Variants in TMEM178B observed in about 807,000 individuals in gnomAD.
TMEM178B encodes transmembrane protein 178B.
A neutral mutation model predicts 31.0 loss-of-function variants in TMEM178B; 5 were observed. The ratio of observed to expected loss-of-function variants is 0.16; its 90% CI spans 0.08 to 0.34. The LOEUF (loss-of-function observed/expected upper bound fraction) is 0.34. Ranked by LOEUF, TMEM178B falls within the 10% of genes least tolerant of loss-of-function variation. TMEM178B has a pLI of 1.00. For synonymous variants in TMEM178B, 164 were observed against 164.0 expected (o/e 1.00, Z 0.00); for missense variants, 275 against 400.3 (o/e 0.69, Z 2.67).
downstream of TMEM178B, among the ~76,000 whole-genome samples, chr7:141,481,954 G>A (rs559097932): frequency 2.6e-5 from 4 of 152,256 alleles, no homozygotes; most frequent in African/African-American, 7.2e-5. Flanking sequence ...CTGCAGCATC[G>A]TGACCTGAGG....
chr7:141,328,280 G>A (rs189443568), intron 2 of TMEM178B, among the ~76,000 whole-genome samples: 3 of 152,310 alleles, frequency 2.0e-5, no homozygotes, highest in East Asian at 3.9e-4. Context: ...ACAGTGGTAT[G>A]TTCTATCCAA....
At chr7:141,507,660 C>A in the TMEM178B span, among the ~76,000 whole-genome samples, 1 of 152,262 alleles carries the variant, frequency 6.6e-6, no homozygotes, top group Non-Finnish European at 1.5e-5. Context: ...CATGCGCCAC[C>A]GCGCCTGGCC....
chr7:141,180,924 A>T (rs927111379), intron 1 of TMEM178B, among the ~76,000 whole-genome samples: 4 of 152,186 alleles, frequency 2.6e-5, no homozygotes, highest in Admixed American at 6.5e-5. Flanking sequence ...AATCCCATTT[A>T]AAAAAGGCTC....
chr7:141,249,526 ACAG>A (rs1797795777), intron 2 of TMEM178B, among the ~76,000 whole-genome samples: 1 of 152,230 alleles, frequency 6.6e-6, no homozygotes, highest in Non-Finnish European at 1.5e-5. Flanking sequence ...GAACTGGGTA[ACAG>A]GTGAAATGGC....
At chr7:141,322,145 A>G (rs187684566) in intron 2 of TMEM178B, among the ~76,000 whole-genome samples, 17 of 152,318 alleles carry the variant, frequency 1.1e-4, no homozygotes, top group African/African-American at 3.8e-4. Context: ...CAATAAATGT[A>G]GCCTTTTTTG....
intron 2 of TMEM178B, among the ~76,000 whole-genome samples, chr7:141,346,488 A>C (rs1799622427): frequency 6.6e-6 from 1 of 152,170 alleles, no homozygotes; most frequent in Admixed American, 6.5e-5. Flanking sequence ...GGCTTGACTT[A>C]TAGTCAGCTT....
intron 2 of TMEM178B, among the ~76,000 whole-genome samples, chr7:141,312,857 T>C (rs568984130): frequency 1.8e-4 from 27 of 152,324 alleles, no homozygotes; most frequent in African/African-American, 6.3e-4. Flanking sequence ...GGCTCTTTAT[T>C]GTATGTTTTT....
intron 2 of TMEM178B, among the ~76,000 whole-genome samples, chr7:141,223,253 A>G (rs116991991): frequency 0.016 from 2,481 of 152,258 alleles, 32 homozygotes; most frequent in Non-Finnish European, 0.024. Flanking sequence ...AGGGGAGGCC[A>G]TAGAGGTGAC....
intron 2 of TMEM178B, among the ~76,000 whole-genome samples, chr7:141,427,644 C>A (rs541786877): frequency 2.0e-5 from 3 of 152,088 alleles, no homozygotes; most frequent in African/African-American, 7.2e-5. Context: ...TTGGTCTGGG[C>A]AAGGATTTTT....
rs1344820256 is a variant in TMEM178B at position 141,414,245 on chromosome 7, C to T, written c.497-23363C>T. ...GACTACAGGCGCCCGCCACCGCGCC[C>T]GGCTAATTTTTTGTATTTTTAGTAG... On this transcript the variant is annotated intron_variant, in intron 2 of 3. Coordinates refer to ENST00000565468, the MANE Select transcript of TMEM178B (RefSeq NM_001195278.2). The T allele has an allele frequency of 3.5e-4, 24 of 68,728 alleles. 8 individuals are homozygous for T. The highest frequency in any genetic ancestry group is 2.0e-3 in the South Asian group (4 of 2,010). 4.3% of individuals were successfully genotyped at this position (68,728 alleles called of 1,614,324 possible). A position where few individuals can be genotyped will look rare whatever the true frequency, so the allele number is the denominator to read the frequency against.
chr7:141,154,154 T>A (rs1796027105), intron 1 of TMEM178B, among the ~76,000 whole-genome samples: 1 of 152,254 alleles, frequency 6.6e-6, no homozygotes. Context: ...GCTGATTGAA[T>A]GCCTCTGCAG....
intron 2 of TMEM178B, among the ~76,000 whole-genome samples, chr7:141,417,296 G>A (rs1180694657): frequency 2.0e-5 from 3 of 152,320 alleles, no homozygotes; most frequent in Middle Eastern, 3.4e-3. Flanking sequence ...TGCAGCCTCT[G>A]TTCTCCAAAC....
intron 2 of TMEM178B, among the ~76,000 whole-genome samples, chr7:141,379,080 T>G (rs10229753): frequency 0.17 from 26,161 of 152,088 alleles, 2,399 homozygotes; most frequent in Middle Eastern, 0.2. Flanking sequence ...AGGGGCATCC[T>G]AGTCTCTCTC....
In TMEM178B at chr7:141,117,931, G is replaced by C. The variant is rs549738102; in HGVS notation, c.382+43239G>C. On this transcript the variant is annotated intron_variant, in intron 1 of 3. Coordinates refer to ENST00000565468, the MANE Select transcript of TMEM178B (RefSeq NM_001195278.2). ...ACTGTAGCCTTGTAGTATTGTTTGA[G>C]GTCAGGTAGCATGATGCCTGAACTT... 2.0e-3 allele frequency among the ~76,000 whole-genome samples: 303 copies of C among 152,156 alleles called. 3 individuals carry two copies. The highest frequency in any genetic ancestry group is 7.0e-3 in the African/African-American group (290 of 41,520).
chr7:141,074,378 C>G lies in TMEM178B; in HGVS notation c.68C>G (p.Ala23Gly). 1 of 1,536,154 alleles carries G rather than the reference C, an allele frequency of 6.5e-7. No homozygotes were observed. Among genetic ancestry groups the G allele is most frequent in the Non-Finnish European group, 8.7e-7 (1 of 1,146,878 alleles). ...SLALCALGML[A>G]VAICSDHWYE... ...GCGCTCTGCGCCCTCGGCATGCTGGCCGTGGCCATCTGCTCGGACCACTGG... is the reference window on the plus strand; with the variant it reads ...GCGCTCTGCGCCCTCGGCATGCTGGGCGTGGCCATCTGCTCGGACCACTGG... Residue 23 changes from alanine (A) to glycine (G), a missense_variant, in exon 1 of 4, where the codon GCC becomes GGC. Physicochemically the swap from Ala to Gly is moderately conservative, Grantham distance 60. Coordinates refer to ENST00000565468, the MANE Select transcript of TMEM178B (RefSeq NM_001195278.2). The surrounding 1 kb of genome is among the most constrained non-coding windows in gnomAD (Gnocchi z 5.1).
intron 1 of TMEM178B, among the ~76,000 whole-genome samples, chr7:141,183,348 A>C (rs1796560253): frequency 6.6e-6 from 1 of 152,206 alleles, no homozygotes; most frequent in Admixed American, 6.5e-5. Context: ...AATTGTTGAA[A>C]ATGCACAGGA....
At chr7:141,417,861 G>A (rs1801128812) in intron 2 of TMEM178B, among the ~76,000 whole-genome samples, 1 of 152,162 alleles carries the variant, frequency 6.6e-6, no homozygotes, top group African/African-American at 2.4e-5. Flanking sequence ...ACTATTATTA[G>A]ACCTTCTCAG....
chr7:141,204,012 A>G (rs1796921546), intron 1 of TMEM178B, among the ~76,000 whole-genome samples: 1 of 152,222 alleles, frequency 6.6e-6, no homozygotes, highest in East Asian at 1.9e-4. Context: ...CTCATCCAAC[A>G]GTGCTGATAG....
rs1802062365 is a variant in TMEM178B, at chr7:141,461,717, T to C, written c.635-8819T>C. Among the ~76,000 whole-genome samples, 1 of 152,176 alleles carries C rather than the reference T, an allele frequency of 6.6e-6. No homozygotes were observed. The highest frequency in any genetic ancestry group is 1.5e-5 in the Non-Finnish European group (1 of 68,024). On this transcript the variant is annotated intron_variant, in intron 3 of 3. Transcript: ENST00000565468. The surrounding 1 kb of genome is among the most constrained non-coding windows in gnomAD (Gnocchi z 4.0). ...CACATGTTCTAGCCTCCCCTTTCTG[T>C]GTAGGCTAATCCAGCAACAAGCACA...
Sources: gnomAD v4.1 joint callset for allele counts (sites outside exome capture counted in the v4.1 genomes callset) on GRCh38, gnomAD v4.1.1 for gene constraint, Gnocchi (gnomAD v3.1) non-coding constraint, MANE v1.5 for transcripts, NCBI Gene and HGNC (gene_info 2026-07-23, HGNC 2026-07-21) for gene names.